The following IFT52 variants were observed in gnomAD, a reference collection of about 807,000 sequenced individuals.
IFT52 encodes the protein intraflagellar transport 52, also known as intraflagellar transport protein 52 homolog.
In IFT52, 44 loss-of-function variants were observed where a neutral mutation model predicts 54.4. The observed-to-expected ratio is 0.81, with a 90% confidence interval of 0.63 to 1.04. The LOEUF is 1.04. IFT52 is among the 50% of genes least tolerant of loss of function. IFT52 has a pLI of 0.00. For missense variants in IFT52, 452 were observed against 523.6 expected (o/e 0.86, Z 1.33); for synonymous variants, 181 against 185.3 (o/e 0.98, Z 0.19).
chr20:43,592,611 G>A (rs1442207290), intron 1 of IFT52, among the ~76,000 whole-genome samples: 1 of 151,634 alleles, frequency 6.6e-6, no homozygotes, highest in Non-Finnish European at 1.5e-5. Flanking sequence ...CTGAAGTAAA[G>A]CATTGTTGAA....
chr20:43,632,302 C>G, intron 10 of IFT52, among the ~76,000 whole-genome samples: 1 of 151,098 alleles, frequency 6.6e-6, no homozygotes, highest in Non-Finnish European at 1.5e-5. Flanking sequence ...GCTCTGTCTC[C>G]CAGGCTAGAG....
chr20:43,617,397 A>G (rs757084618), intron 7 of IFT52, among the ~76,000 whole-genome samples: 1 of 151,742 alleles, frequency 6.6e-6, no homozygotes, highest in Non-Finnish European at 1.5e-5. Context: ...AATTTTTCTT[A>G]TTAACCAGTC....
intron 12 of IFT52, among the ~76,000 whole-genome samples, chr20:43,638,776 C>T (rs1985717636): frequency 1.3e-5 from 2 of 152,130 alleles, no homozygotes; most frequent in Non-Finnish European, 2.9e-5. Context: ...GGGAATGACA[C>T]ATATGACACA....
chr20:43,616,441 G>A (rs781210055), intron 7 of IFT52, among the ~76,000 whole-genome samples: 7 of 151,582 alleles, frequency 4.6e-5, no homozygotes, highest in Non-Finnish European at 8.8e-5. Flanking sequence ...CCCTGGAAGC[G>A]GAGGTTGCAG....
intron 6 of IFT52, among the ~76,000 whole-genome samples, chr20:43,605,498 G>T (rs1019871739): frequency 2.0e-5 from 3 of 152,192 alleles, no homozygotes; most frequent in Non-Finnish European, 2.9e-5. Flanking sequence ...AGTGAGCCAA[G>T]ATTACGCCAC....
intron 6 of IFT52, among the ~76,000 whole-genome samples, chr20:43,606,639 G>T (rs961032126): frequency 6.6e-6 from 1 of 151,864 alleles, no homozygotes. Flanking sequence ...CGCAGAGGGG[G>T]ATTTGGCAGG....
At chr20:43,640,828 G>A (rs868164701) in intron 12 of IFT52, among the ~76,000 whole-genome samples, 1 of 152,110 alleles carries the variant, frequency 6.6e-6, no homozygotes, top group Non-Finnish European at 1.5e-5. Context: ...TGGAGCTCAC[G>A]AGTTCGAGAC....
intron 6 of IFT52, among the ~76,000 whole-genome samples, chr20:43,611,230 C>G (rs909834779): frequency 2.0e-5 from 3 of 152,106 alleles, no homozygotes; most frequent in Non-Finnish European, 4.4e-5. Flanking sequence ...TCCCTTCTCT[C>G]ACTCTGCTGT....
chr20:43,625,484 G>T (rs1481579149), intron 10 of IFT52, among the ~76,000 whole-genome samples: 1 of 152,064 alleles, frequency 6.6e-6, no homozygotes, highest in Non-Finnish European at 1.5e-5. Context: ...CTCCAGCCTG[G>T]GTGACGGGAA....
At chr20:43,609,724 G>A (rs1341679054) in intron 6 of IFT52, among the ~76,000 whole-genome samples, 16 of 143,552 alleles carry the variant, frequency 1.1e-4, no homozygotes, top group Non-Finnish European at 2.1e-4. Flanking sequence ...GCATTTAGCC[G>A]AGATCACACC....
At chr20:43,604,015 A>G in intron 4 of IFT52, 126 bp downstream of exon 4, 1 of 922,234 alleles carries the variant, frequency 1.1e-6, no homozygotes, top group Admixed American at 2.5e-5. Context: ...TTAATGTTCC[A>G]TTCTCATCAG....
intron 5 of IFT52, among the ~76,000 whole-genome samples, chr20:43,604,468 C>T (rs1191853720): frequency 1.3e-5 from 2 of 151,860 alleles, no homozygotes; most frequent in Admixed American, 6.6e-5. Flanking sequence ...CCCAGCTACT[C>T]GGGAGGCTGA....
At chr20:43,632,449 C>T (rs140179086) in intron 10 of IFT52, among the ~76,000 whole-genome samples, 4,092 of 152,030 alleles carry the variant, frequency 0.027, 68 homozygotes, top group Non-Finnish European at 0.037. Context: ...TTAATAGAGA[C>T]GGGGTTTCAC....
chr20:43,609,706 C>T (rs980889110), intron 6 of IFT52, among the ~76,000 whole-genome samples: 5 of 137,312 alleles, frequency 3.6e-5, no homozygotes, highest in African/African-American at 8.2e-5. Flanking sequence ...ACCTGGGAGG[C>T]GGAGGTTGCA....
intron 6 of IFT52, among the ~76,000 whole-genome samples, chr20:43,610,515 C>T (rs548941046): frequency 9.9e-5 from 15 of 151,758 alleles, no homozygotes; most frequent in African/African-American, 3.1e-4. Flanking sequence ...AGGCAGATCA[C>T]GAGGTCAGGA....
At chr20:43,592,517 T>C (rs1046229827) in intron 1 of IFT52, among the ~76,000 whole-genome samples, 2 of 150,724 alleles carry the variant, frequency 1.3e-5, no homozygotes, top group African/African-American at 4.9e-5. Context: ...GAGGTTGTGG[T>C]GAGCCGAGAT....
chr20:43,611,917 C>T (rs1378260252), intron 6 of IFT52, among the ~76,000 whole-genome samples: 1 of 151,826 alleles, frequency 6.6e-6, no homozygotes, highest in African/African-American at 2.4e-5. Context: ...GTAATCCCAG[C>T]TGCTCGGGAG....
rs1986113461 is a variant in IFT52, at chr20:43,644,732, G to A, written c.1266+2108G>A. ...GAGACAGAGGTTGGCAGTGAGCCAAGAACGTGCCATTGCACTCCAGCCTGG... is the reference window on the plus strand; with the variant it reads ...GAGACAGAGGTTGGCAGTGAGCCAAAAACGTGCCATTGCACTCCAGCCTGG... On this transcript the variant is annotated intron_variant, in intron 13 of 13. Coordinates refer to ENST00000373030, the MANE Select transcript of IFT52 (RefSeq NM_016004.5). 3.5e-5 allele frequency among the ~76,000 whole-genome samples: 2 copies of A among 56,796 alleles called. 1 individual carries two copies. The highest frequency in any genetic ancestry group is 1.0e-4 in the African/African-American group (2 of 19,432). The allele number at this position is 56,796 out of a possible 152,430, so 37.3% of individuals were successfully genotyped here.
intron 10 of IFT52, among the ~76,000 whole-genome samples, chr20:43,630,208 A>G (rs1985061809): frequency 6.6e-6 from 1 of 152,182 alleles, no homozygotes; most frequent in Non-Finnish European, 1.5e-5. Context: ...TTCTTAGAAT[A>G]AAAAAAGATA....
Sources: allele counts gnomAD v4.1 joint callset (sites outside exome capture counted in the v4.1 genomes callset), GRCh38; gene constraint gnomAD v4.1.1; transcripts MANE v1.5; gene names NCBI Gene and HGNC (gene_info 2026-07-23, HGNC 2026-07-21).